NKAIN2: variants seen among roughly 807,000 people sequenced by gnomAD.
NKAIN2 encodes the protein sodium/potassium-transporting ATPase subunit beta-1-interacting protein 2.
Under a neutral mutation model 32.6 loss-of-function variants are expected in NKAIN2, and 14 were observed. The observed-to-expected ratio is 0.43, with a 90% CI of 0.28 to 0.67. The LOEUF is 0.67. NKAIN2 is among the 30% of genes least tolerant of loss of function. The probability of loss-of-function intolerance (pLI) is 0.17; values close to 1 mark genes in which losing one functional copy is unlikely to be tolerated. For missense variants in NKAIN2, 198 were observed against 258.3 expected (o/e 0.77, Z 1.60); for synonymous variants, 80 against 87.2 (o/e 0.92, Z 0.46).
chr6:124,102,999 T>G (rs909825420), intron 1 of NKAIN2, among the ~76,000 whole-genome samples: 1 of 152,146 alleles, frequency 6.6e-6, no homozygotes, highest in Non-Finnish European at 1.5e-5. Flanking sequence ...TGTGTGACAT[T>G]GTACTCAGAA....
chr6:123,959,176 A>G (rs1201406872), intron 1 of NKAIN2, among the ~76,000 whole-genome samples: 1 of 152,224 alleles, frequency 6.6e-6, no homozygotes, highest in African/African-American at 2.4e-5. Flanking sequence ...TAGAAGAATT[A>G]GAGGATAGCA....
chr6:124,448,688 C>A (rs1775988451), intron 3 of NKAIN2, among the ~76,000 whole-genome samples: 1 of 152,048 alleles, frequency 6.6e-6, no homozygotes, highest in South Asian at 2.1e-4. Context: ...CATTATGAAC[C>A]ATTTAGTCTT....
At chr6:124,073,657 C>G (rs1376262884) in intron 1 of NKAIN2, among the ~76,000 whole-genome samples, 1 of 152,096 alleles carries the variant, frequency 6.6e-6, no homozygotes, top group Non-Finnish European at 1.5e-5. Flanking sequence ...ACACTTTCTA[C>G]CCTTCTAAGT....
At position 124,161,491 on chromosome 6, in the gene NKAIN2, G is replaced by C. The variant is rs910844949; in HGVS notation, c.55-121514G>C. Among the ~76,000 whole-genome samples the C allele has an allele frequency of 2.8e-4, 42 of 152,038 alleles. 1 individual carries two copies. The highest frequency in any genetic ancestry group is 4.9e-4 in the Non-Finnish European group (33 of 68,016). ...TATCATATCAATAAAACATGAATCT[G>C]AAGGCAAGCTGATTTTATCTTTTAA... On this transcript the variant is annotated intron_variant, in intron 1 of 6. Transcript: ENST00000368417.
chr6:124,285,417 AT>A (rs1220562986), intron 2 of NKAIN2, among the ~76,000 whole-genome samples: 2 of 152,000 alleles, frequency 1.3e-5, no homozygotes, highest in Non-Finnish European at 2.9e-5. Context: ...TCATAGGCAT[AT>A]TTTCTATCTT....
intron 1 of NKAIN2, among the ~76,000 whole-genome samples, chr6:124,208,435 A>C (rs1791002410): frequency 6.6e-6 from 1 of 151,818 alleles, no homozygotes; most frequent in Admixed American, 6.6e-5. Flanking sequence ...CACTGATGGC[A>C]TCATAACTGA....
intron 3 of NKAIN2, among the ~76,000 whole-genome samples, chr6:124,478,496 TCACACACACACGTGCATGTG>T (rs1562210361): frequency 6.6e-6 from 1 of 151,912 alleles, no homozygotes; most frequent in Non-Finnish European, 1.5e-5. Context: ...ATGTACACAA[TCACACACACACGTGCATGTG>T]CACACACACA....
intron 1 of NKAIN2, among the ~76,000 whole-genome samples, chr6:124,110,820 G>A (rs4895414): frequency 0.69 from 104,840 of 151,992 alleles, 36,509 homozygotes; most frequent in African/African-American, 0.77. Context: ...GATTGAGTCC[G>A]TGTCTTTGCT....
chr6:124,195,494 C>T (rs1161102946), intron 1 of NKAIN2, among the ~76,000 whole-genome samples: 3 of 152,062 alleles, frequency 2.0e-5, no homozygotes, highest in Non-Finnish European at 4.4e-5. Context: ...TTAATAACTG[C>T]ACATTCATAT....
In NKAIN2 at chr6:124,216,117, C is replaced by CAA. The variant is rs1199794463; in HGVS notation, c.55-66870_55-66869dup. Among the ~76,000 whole-genome samples the CAA allele has an allele frequency of 6.5e-3, 417 of 63,844 alleles. 4 individuals are homozygous for CAA. The highest frequency in any genetic ancestry group is 0.019 in the African/African-American group (366 of 19,392). 41.9% of individuals were successfully genotyped at this position (63,844 alleles called of 152,430 possible). A position where few individuals can be genotyped will look rare whatever the true frequency, so the allele number is the denominator to read the frequency against. ...TGGGTGACAGAGCAAAACTCTGTCT[C>CAA]AAAAAAAAAAAAAAAAAAATAGTCC... On this transcript the variant is annotated intron_variant, in intron 1 of 6. Coordinates refer to ENST00000368417, the MANE Select transcript of NKAIN2 (RefSeq NM_001040214.3).
intron 1 of NKAIN2, among the ~76,000 whole-genome samples, chr6:124,009,965 A>G (rs1474693888): frequency 6.6e-6 from 1 of 152,118 alleles, no homozygotes; most frequent in East Asian, 1.9e-4. Context: ...ATGTATGTAT[A>G]AAATGGGAGC....
At chr6:124,330,700 A>G (rs990680169) in intron 2 of NKAIN2, among the ~76,000 whole-genome samples, 1 of 152,180 alleles carries the variant, frequency 6.6e-6, no homozygotes, top group African/African-American at 2.4e-5. Flanking sequence ...CCCTTACAGT[A>G]GAGGTCCCCA....
intron 1 of NKAIN2, among the ~76,000 whole-genome samples, chr6:124,177,000 A>T (rs1343037749): frequency 6.6e-6 from 1 of 152,036 alleles, no homozygotes; most frequent in African/African-American, 2.4e-5. Context: ...TGTGGCATAA[A>T]ATTTTTTATC....
chr6:124,676,988 G>C (rs1037162557), intron 4 of NKAIN2, among the ~76,000 whole-genome samples: 1 of 151,908 alleles, frequency 6.6e-6, no homozygotes, highest in African/African-American at 2.4e-5. Flanking sequence ...TTGGGGTGGA[G>C]GACAGTGTCT....
intron 1 of NKAIN2, among the ~76,000 whole-genome samples, chr6:124,028,161 A>G (rs1445609682): frequency 6.6e-6 from 1 of 152,202 alleles, no homozygotes; most frequent in East Asian, 1.9e-4. Flanking sequence ...TGTTCTGTAT[A>G]TACTTCATCC....
At chr6:124,664,789 G>T (rs1200052082) in intron 4 of NKAIN2, among the ~76,000 whole-genome samples, 1 of 50,280 alleles carries the variant, frequency 2.0e-5, no homozygotes, top group Non-Finnish European at 3.1e-5. Context: ...GCGAGACTCC[G>T]TCTCAAAAAA....
intron 1 of NKAIN2, among the ~76,000 whole-genome samples, chr6:124,167,582 T>A (rs1788624388): frequency 6.6e-6 from 1 of 152,186 alleles, no homozygotes; most frequent in South Asian, 2.1e-4. Context: ...AGAGAGGGCA[T>A]CCCTGTCTTG....
At chr6:123,954,078 G>A (rs1008936424) in intron 1 of NKAIN2, among the ~76,000 whole-genome samples, 2 of 152,150 alleles carry the variant, frequency 1.3e-5, no homozygotes, top group Non-Finnish European at 2.9e-5. Flanking sequence ...AATGACTCAC[G>A]CTTTAACCTT....
chr6:124,583,986 AT>A (rs1781617667), intron 3 of NKAIN2, among the ~76,000 whole-genome samples: 1 of 152,236 alleles, frequency 6.6e-6, no homozygotes, highest in South Asian at 2.1e-4. Context: ...ACATAAAAAA[AT>A]CAAACCAAAA....
Sources: gnomAD v4.1 joint callset for allele counts (sites outside exome capture counted in the v4.1 genomes callset) on GRCh38, gnomAD v4.1.1 for gene constraint, MANE v1.5 for transcripts, NCBI Gene and HGNC (gene_info 2026-07-23, HGNC 2026-07-21) for gene names.